Variants in MIS18BP1 observed in about 807,000 individuals in gnomAD.
MIS18BP1 encodes the protein mis18-binding protein 1.
Under a neutral mutation model 116.1 loss-of-function variants are expected in MIS18BP1, and 72 were observed. The observed-to-expected ratio is 0.62, with a 90% CI of 0.51 to 0.75. MIS18BP1 has a LOEUF of 0.75. Among genes scored for constraint, MIS18BP1 ranks in the 30% least tolerant of loss-of-function variants. MIS18BP1 has a pLI of 0.00. For synonymous variants in MIS18BP1, 386 were observed against 427.0 expected (o/e 0.90, Z 1.18); for missense variants, 1,363 against 1,303.2 (o/e 1.05, Z -0.71).
chr14:45,236,680 CTT>C (rs1458563245), intron 5 of MIS18BP1, among the ~76,000 whole-genome samples: 1 of 152,276 alleles, frequency 6.6e-6, no homozygotes, highest in South Asian at 2.1e-4. Context: ...CTTCAATTCT[CTT>C]TTGCTTTATT....
intron 9 of MIS18BP1, 87 bp from the exon 10 acceptor site, chr14:45,226,923 A>T: frequency 9.0e-7 from 1 of 1,105,602 alleles, no homozygotes; most frequent in Non-Finnish European, 1.2e-6. Flanking sequence ...CATCAAGCAT[A>T]CAAATTTCTA....
At position 45,242,329 on chromosome 14, in the gene MIS18BP1, G is replaced by T. The variant is rs746105219; in HGVS notation, c.848C>A (p.Thr283Asn). The T allele has an allele frequency of 6.2e-7, 1 of 1,613,952 alleles. No homozygotes were observed. Among genetic ancestry groups the T allele is most frequent in the East Asian group, 2.2e-5 (1 of 44,868 alleles). The part of the protein sequence containing the change: ...VDSADEQFQN[T>N]NAETLSTNCI... Reference sequence around the variant, plus strand: ...ATTAGTACTGAGAGTCTCAGCATTAGTATTTTGAAATTGTTCATCAGCAGA... The same window carrying T: ...ATTAGTACTGAGAGTCTCAGCATTATTATTTTGAAATTGTTCATCAGCAGA... Residue 283 changes from threonine to asparagine, a missense_variant, in exon 4 of 17, where the codon ACT becomes AAT. Coordinates refer to ENST00000310806, the MANE Select transcript of MIS18BP1 (RefSeq NM_018353.5).
chr14:45,215,950 C>G (rs1400803393), intron 13 of MIS18BP1, among the ~76,000 whole-genome samples: 2 of 151,946 alleles, frequency 1.3e-5, no homozygotes. Flanking sequence ...GTGATCTGCC[C>G]GCCTCGGCCT....
chr14:45,214,105 G>T (rs1392393084), intron 13 of MIS18BP1, among the ~76,000 whole-genome samples: 1 of 152,154 alleles, frequency 6.6e-6, no homozygotes, highest in Non-Finnish European at 1.5e-5. Context: ...TCGTGGGAAG[G>T]GAAAGACCTT....
At chr14:45,248,077 T>A (rs1016773195) in intron 1 of MIS18BP1, among the ~76,000 whole-genome samples, 2 of 147,368 alleles carry the variant, frequency 1.4e-5, no homozygotes, top group Admixed American at 6.8e-5. Flanking sequence ...TTTTTTTCTT[T>A]TTTTGGAGAC....
Position 45,237,687 on chromosome 14 carries a change from A to G in MIS18BP1, c.1178T>C (p.Ile393Thr). The change falls in exon 5 of 17, where the codon ATC becomes ACC. Residue 393 changes from isoleucine to threonine, a missense_variant. Coordinates refer to ENST00000310806, the MANE Select transcript of MIS18BP1 (RefSeq NM_018353.5). The stretch of plus-strand genomic sequence containing the variant: ...TACACATATAGCAGTATTATTATTG[A>G]TGCTTTTAATCATCCATTCCTGTAG... ...VQLQEWMIKS[I>T]NNNTAICVEG... is the part of the protein sequence containing the mutation. The G allele has an allele frequency of 6.2e-7, 1 of 1,602,674 alleles. No individual in the cohort carries two copies. Among genetic ancestry groups the G allele is most frequent in the Non-Finnish European group, 8.5e-7 (1 of 1,176,084 alleles).
intron 1 of MIS18BP1, among the ~76,000 whole-genome samples, chr14:45,250,960 C>A (rs541002483): frequency 6.6e-6 from 1 of 151,160 alleles, no homozygotes; most frequent in South Asian, 2.1e-4. Flanking sequence ...TGGAGTGAAC[C>A]CGGGAGGCGG....
At chr14:45,229,450 G>T (rs188671476) in intron 8 of MIS18BP1, among the ~76,000 whole-genome samples, 30 of 151,236 alleles carry the variant, frequency 2.0e-4, no homozygotes, top group African/African-American at 6.6e-4. Flanking sequence ...GCTGCAGTGA[G>T]CCATGATTGC....
Position 45,231,150 on chromosome 14 carries a change from C to A in MIS18BP1, c.1585G>T (p.Asp529Tyr). 1 of 1,610,394 alleles carries A rather than the reference C, an allele frequency of 6.2e-7. No individual in the cohort carries two copies. Among genetic ancestry groups the A allele is most frequent in the Non-Finnish European group, 8.5e-7 (1 of 1,179,008 alleles). Reference sequence around the variant, plus strand: ...TAAAGACAAAACATACCCAAATTATCACAATCAAAATCGTAAGTGGTGGTG... The same window carrying A: ...TAAAGACAAAACATACCCAAATTATAACAATCAAAATCGTAAGTGGTGGTG... The part of the protein sequence containing the change: ...RATTTYDFDC[D>Y]NLELKSNKHS... The change falls in exon 8 of 17, where the codon GAT (aspartate) becomes TAT (tyrosine). Residue 529 changes from aspartate (D) to tyrosine (Y), a missense_variant. Physicochemically the swap from Asp to Tyr is radical, Grantham distance 160. Coordinates refer to ENST00000310806, the MANE Select transcript of MIS18BP1 (RefSeq NM_018353.5).
chr14:45,228,541 C>G (rs1242996016), intron 8 of MIS18BP1, among the ~76,000 whole-genome samples: 3 of 152,118 alleles, frequency 2.0e-5, no homozygotes, highest in African/African-American at 4.8e-5. Context: ...AACTAAATTT[C>G]TGTAATTAAA....
At chr14:45,214,130 C>T (rs1409244291) in intron 13 of MIS18BP1, among the ~76,000 whole-genome samples, 2 of 152,128 alleles carry the variant, frequency 1.3e-5, no homozygotes, top group Non-Finnish European at 2.9e-5. Context: ...TCCCCCAGCC[C>T]CACACCCATA....
chr14:45,204,665 G>A (rs1432107131), intron 15 of MIS18BP1, among the ~76,000 whole-genome samples: 2 of 152,014 alleles, frequency 1.3e-5, no homozygotes, highest in Non-Finnish European at 2.9e-5. Context: ...GTTTCCCAGT[G>A]CTGGCAAACA....
chr14:45,232,416 C>CA (rs532665472), intron 7 of MIS18BP1: 10,056 of 94,640 alleles, frequency 0.11, 80 homozygotes, highest in South Asian at 0.17. Flanking sequence ...GATTCCATCT[C>CA]AAAAAAAAAA....
chr14:45,224,626 G>A lies in MIS18BP1; in HGVS notation c.1961C>T (p.Pro654Leu). ...CTCTATCACTTTTCTAGATTTAAGT[G>A]GTGTTACTAAAATATAAGCTTTCTT... is the stretch of plus-strand genomic sequence containing the variant. ...NQKKAYILVT[P>L]LKSRKVIEQR... Residue 654 changes from proline to leucine, a missense_variant, in exon 11 of 17, where the codon CCA becomes CTA. Physicochemically the swap from Pro to Leu is moderately conservative, Grantham distance 98. Transcript: ENST00000310806. 1 of 1,613,344 alleles carries A rather than the reference G, an allele frequency of 6.2e-7. No homozygotes were observed. Among genetic ancestry groups the A allele is most frequent in the South Asian group, 1.1e-5 (1 of 90,970 alleles).
chr14:45,209,899 G>A (rs1239442904), intron 14 of MIS18BP1, among the ~76,000 whole-genome samples: 2 of 152,218 alleles, frequency 1.3e-5, no homozygotes, highest in South Asian at 2.1e-4. Context: ...TATATATTAC[G>A]GAAATTAGCC....
Position 45,242,199 on chromosome 14 carries a change from C to T in MIS18BP1, c.978G>A (p.Val326=), listed in dbSNP as rs1566820422. The T allele has an allele frequency of 6.2e-7, 1 of 1,614,074 alleles. No individual in the cohort carries two copies. The highest frequency in any genetic ancestry group is 8.5e-7 in the Non-Finnish European group (1 of 1,179,986). Residue 326 remains valine, a synonymous_variant, in exon 4 of 17, where the codon GTG becomes GTA. Transcript: ENST00000310806. The part of the protein sequence containing the change: ...QKVKEGNGKT[V]PGETGLPGSM... ...AACCTGGAAGACCTGTCTCTCCAGG[C>T]ACTGTTTTTCCATTTCCTTCCTTAA...
Position 45,218,323 on chromosome 14 carries a change from T to A in MIS18BP1, c.2801A>T (p.His934Leu). The A allele has an allele frequency of 1.9e-6, 3 of 1,614,108 alleles. No homozygotes were observed. Among genetic ancestry groups the A allele is most frequent in the Non-Finnish European group, 2.5e-6 (3 of 1,180,000 alleles). The change falls in exon 12 of 17, where the codon CAT becomes CTT. Residue 934 changes from histidine to leucine, a missense_variant. Coordinates refer to ENST00000310806, the MANE Select transcript of MIS18BP1 (RefSeq NM_018353.5). ...ATTGGCTGGCTTCTTCTTAGTGACA[T>A]GTTTCTGGGATCCTTTTCCTCTGGG... ...ENPRGKGSQK[H>L]VTKKKPANSK...
At chr14:45,228,396 T>C (rs1891185228) in intron 8 of MIS18BP1, among the ~76,000 whole-genome samples, 1 of 152,240 alleles carries the variant, frequency 6.6e-6, no homozygotes, top group Non-Finnish European at 1.5e-5. Context: ...ATAGTAAGGT[T>C]AATCCATTTT....
chr14:45,212,659 G>A (rs982232033), intron 13 of MIS18BP1, among the ~76,000 whole-genome samples: 3 of 152,184 alleles, frequency 2.0e-5, no homozygotes, highest in Non-Finnish European at 4.4e-5. Context: ...TGCATTAAGA[G>A]GAAAAATGGA....
Sources: allele counts gnomAD v4.1 joint callset (sites outside exome capture counted in the v4.1 genomes callset), GRCh38; gene constraint gnomAD v4.1.1; transcripts MANE v1.5; gene names NCBI Gene and HGNC (gene_info 2026-07-23, HGNC 2026-07-21).